The following CADM2 variants were observed in gnomAD, a reference collection of about 807,000 sequenced individuals.
The protein encoded by CADM2 is cell adhesion molecule 2.
CADM2 carries 12 observed loss-of-function variants against 49.8 expected under a neutral mutation model. That is an observed-to-expected ratio of 0.24 (90% CI 0.15 to 0.39). The LOEUF (loss-of-function observed/expected upper bound fraction) is 0.39, where lower values mean the gene tolerates loss of function less well. Among genes scored for constraint, CADM2 ranks in the 10% least tolerant of loss-of-function variants. CADM2 has a pLI of 1.00. For synonymous variants in CADM2, 214 were observed against 175.4 expected, an observed-to-expected ratio of 1.22 and a Z score of -1.74; for missense variants, 378 against 492.3, an observed-to-expected ratio of 0.77 and a Z score of 2.20.
At chr3:85,246,480 T>C (rs1329756149) in intron 1 of CADM2, among the ~76,000 whole-genome samples, 1 of 152,070 alleles carries the variant, frequency 6.6e-6, no homozygotes, top group Admixed American at 6.6e-5. Flanking sequence ...AATTCATTTA[T>C]TGTCATTGGT....
intron 3 of CADM2, among the ~76,000 whole-genome samples, chr3:85,854,720 G>C (rs1465400083): frequency 1.3e-5 from 2 of 152,042 alleles, no homozygotes; most frequent in African/African-American, 2.4e-5. Flanking sequence ...TATAGCATGT[G>C]TATACCTATG....
chr3:85,935,868 T>C lies in CADM2; in HGVS notation c.791+11T>C, dbSNP rs1721136018. 1 of 1,491,968 alleles carries C rather than the reference T, an allele frequency of 6.7e-7. No individual in the cohort carries two copies. Among genetic ancestry groups the C allele is most frequent in the Non-Finnish European group, 9.3e-7 (1 of 1,077,100 alleles). 92.4% of individuals were successfully genotyped at this position (1,491,968 alleles called of 1,614,324 possible). On this transcript the variant is annotated intron_variant, in intron 7 of 9. Transcript: ENST00000383699. ...CAAAGGAAAACCACTGTAAGTGAGT[T>C]AATGAGCAATAAAGCTTTTAACTTT... is the stretch of plus-strand genomic sequence containing the variant.
intron 1 of CADM2, among the ~76,000 whole-genome samples, chr3:85,655,744 TA>T (rs1211876158): frequency 6.6e-6 from 1 of 152,174 alleles, no homozygotes; most frequent in Non-Finnish European, 1.5e-5. Flanking sequence ...TCTCAAACTC[TA>T]AAAGGCATCA....
intron 1 of CADM2, among the ~76,000 whole-genome samples, chr3:85,588,171 C>A (rs1022982278): frequency 1.3e-5 from 2 of 151,954 alleles, no homozygotes; most frequent in African/African-American, 4.8e-5. Context: ...TAATTGCCAG[C>A]AAATATTATT....
chr3:85,203,803 T>C (rs753036318), intron 1 of CADM2, among the ~76,000 whole-genome samples: 5 of 152,214 alleles, frequency 3.3e-5, no homozygotes, highest in Admixed American at 6.5e-5. Flanking sequence ...AGCTTGTATT[T>C]CATAATTTCA....
At chr3:85,435,262 G>A (rs1427012981) in intron 1 of CADM2, among the ~76,000 whole-genome samples, 1 of 152,034 alleles carries the variant, frequency 6.6e-6, no homozygotes, top group Admixed American at 6.6e-5. Flanking sequence ...GTGAGGACAT[G>A]TGGTGTTTGG....
At chr3:85,000,454 A>G (rs1456661359) in intron 1 of CADM2, among the ~76,000 whole-genome samples, 1 of 152,048 alleles carries the variant, frequency 6.6e-6, no homozygotes, top group East Asian at 1.9e-4. Context: ...CACAAAAAAA[A>G]ACAGTCTTTT....
chr3:85,829,039 C>A (rs935632291), intron 3 of CADM2, among the ~76,000 whole-genome samples: 1 of 151,848 alleles, frequency 6.6e-6, no homozygotes, highest in Non-Finnish European at 1.5e-5. Context: ...TCTAGCATCA[C>A]CCTATATAAA....
At chr3:84,961,933 G>C (rs1326544860) in intron 1 of CADM2, among the ~76,000 whole-genome samples, 1 of 152,132 alleles carries the variant, frequency 6.6e-6, no homozygotes, top group African/African-American at 2.4e-5. Context: ...CTCTCTCTCA[G>C]CCTGGAGGAG....
intron 8 of CADM2, among the ~76,000 whole-genome samples, chr3:85,987,507 AC>A (rs1389939427): frequency 6.7e-6 from 1 of 150,368 alleles, no homozygotes; most frequent in Non-Finnish European, 1.5e-5. Context: ...TTTCTGAAAA[AC>A]AATCCCTAAG....
At chr3:85,030,480 T>C (rs890474030) in intron 1 of CADM2, among the ~76,000 whole-genome samples, 1 of 152,222 alleles carries the variant, frequency 6.6e-6, no homozygotes, top group Non-Finnish European at 1.5e-5. Context: ...TCATTACCAA[T>C]GTCAATAATA....
At chr3:85,874,424 G>T (rs1272141836) in intron 3 of CADM2, among the ~76,000 whole-genome samples, 2 of 152,096 alleles carry the variant, frequency 1.3e-5, no homozygotes, top group African/African-American at 2.4e-5. Context: ...CTACCTTTGT[G>T]TATGCATTTC....
rs910928999 is a variant in CADM2 at position 85,561,560 on chromosome 3, A to C, written c.62-164962A>C. Among the ~76,000 whole-genome samples the C allele has an allele frequency of 2.0e-5, 3 of 152,126 alleles. No individual in the cohort carries two copies. The East Asian group carries it at 5.8e-4, about 29-fold the overall frequency. On this transcript the variant is annotated intron_variant, in intron 1 of 9. Coordinates refer to ENST00000383699, the MANE Select transcript of CADM2 (RefSeq NM_001167675.2). ...ATTTCTATTTCTTAGGGGAGTACAT[A>C]TTTTCTAGGTTTTTATCTTCCATGG... is the stretch of plus-strand genomic sequence containing the variant.
At chr3:85,525,320 A>G (rs1283321498) in intron 1 of CADM2, among the ~76,000 whole-genome samples, 1 of 152,160 alleles carries the variant, frequency 6.6e-6, no homozygotes, top group African/African-American at 2.4e-5. Flanking sequence ...TCAGTAAACC[A>G]ATCATGCTAG....
chr3:85,356,705 G>T (rs1053898154), intron 1 of CADM2, among the ~76,000 whole-genome samples: 1 of 152,058 alleles, frequency 6.6e-6, no homozygotes, highest in African/African-American at 2.4e-5. Context: ...CAAATGCTAT[G>T]CATTTAATGT....
At chr3:85,605,036 A>G (rs142131202) in intron 1 of CADM2, among the ~76,000 whole-genome samples, 2 of 152,192 alleles carry the variant, frequency 1.3e-5, no homozygotes, top group South Asian at 2.1e-4. Context: ...ACACAGCCTA[A>G]TAAGTAGAAC....
At chr3:85,344,661 T>C (rs2030386201) in intron 1 of CADM2, among the ~76,000 whole-genome samples, 1 of 151,968 alleles carries the variant, frequency 6.6e-6, no homozygotes, top group Non-Finnish European at 1.5e-5. Flanking sequence ...TGGTAAAATG[T>C]CATTTATTAA....
At chr3:85,199,864 G>C (rs2041448752) in intron 1 of CADM2, among the ~76,000 whole-genome samples, 1 of 152,004 alleles carries the variant, frequency 6.6e-6, no homozygotes, top group Admixed American at 6.6e-5. Context: ...GACTCTGAAA[G>C]AATCAATGAC....
At chr3:85,956,783 G>A (rs956435358) in intron 7 of CADM2, among the ~76,000 whole-genome samples, 5 of 150,716 alleles carry the variant, frequency 3.3e-5, no homozygotes, top group Non-Finnish European at 7.4e-5. Flanking sequence ...CATATTTACA[G>A]AGCCATTTGC....
Sources: allele counts gnomAD v4.1 joint callset (sites outside exome capture counted in the v4.1 genomes callset), GRCh38; gene constraint gnomAD v4.1.1; transcripts MANE v1.5; gene names NCBI Gene and HGNC (gene_info 2026-07-23, HGNC 2026-07-21).